The following SEMA3A variants were observed in gnomAD, a reference collection of about 807,000 sequenced individuals.
The protein encoded by SEMA3A is semaphorin-3A.
A neutral mutation model predicts 97.9 loss-of-function variants in SEMA3A; 29 were observed. The ratio of observed to expected loss-of-function variants is 0.30; its 90% confidence interval spans 0.22 to 0.40. The LOEUF (loss-of-function observed/expected upper bound fraction) is 0.40. SEMA3A is among the 10% of genes least tolerant of loss of function. The pLI, the probability that SEMA3A is intolerant of heterozygous loss-of-function variation, is 1.00. For missense variants in SEMA3A, 763 were observed against 951.3 expected (o/e 0.80, Z 2.60); for synonymous variants, 321 against 323.7 (o/e 0.99, Z 0.09).
At chr7:84,405,627 A>T (rs1310176625) in intron 1 of SEMA3A, among the ~76,000 whole-genome samples, 2 of 151,898 alleles carry the variant, frequency 1.3e-5, no homozygotes, top group African/African-American at 2.4e-5. Flanking sequence ...TATTCCAAAA[A>T]TGACCACATA....
chr7:84,269,484 T>C (rs906378275), intron 3 of SEMA3A, among the ~76,000 whole-genome samples: 1 of 152,012 alleles, frequency 6.6e-6, no homozygotes, highest in Non-Finnish European at 1.5e-5. Flanking sequence ...TAGGAGATAA[T>C]GCAGTCAAAC....
At chr7:84,482,854 C>T (rs1394019725) in intron 1 of SEMA3A, among the ~76,000 whole-genome samples, 1 of 141,366 alleles carries the variant, frequency 7.1e-6, no homozygotes, top group Non-Finnish European at 1.5e-5. Flanking sequence ...ATGATAGACT[C>T]AAAATTCTAG....
intron 1 of SEMA3A, among the ~76,000 whole-genome samples, chr7:84,422,424 C>T (rs1161250738): frequency 1.3e-5 from 2 of 151,902 alleles, no homozygotes; most frequent in Admixed American, 6.6e-5. Context: ...CTTTATTGGT[C>T]TGGCTATCCA....
At chr7:84,415,464 C>T (rs946932113) in intron 1 of SEMA3A, among the ~76,000 whole-genome samples, 2 of 151,992 alleles carry the variant, frequency 1.3e-5, no homozygotes, top group East Asian at 3.9e-4. Flanking sequence ...ACTGTCCTAG[C>T]TTTTAAAAAT....
chr7:84,410,668 G>C (rs982565228), intron 1 of SEMA3A, among the ~76,000 whole-genome samples: 2 of 152,064 alleles, frequency 1.3e-5, no homozygotes, highest in African/African-American at 4.8e-5. Context: ...ATTGCTGCGT[G>C]CACCACCACA....
intron 2 of SEMA3A, among the ~76,000 whole-genome samples, chr7:84,368,439 G>A (rs1802901685): frequency 6.6e-6 from 1 of 150,968 alleles, no homozygotes; most frequent in Non-Finnish European, 1.5e-5. Context: ...AATTTTAAAA[G>A]CAAGGTAGTT....
intron 5 of SEMA3A, among the ~76,000 whole-genome samples, chr7:84,052,032 G>A (rs1453266096): frequency 6.6e-6 from 1 of 151,730 alleles, no homozygotes; most frequent in Non-Finnish European, 1.5e-5. Flanking sequence ...TGCGTATATT[G>A]AACCAGCCTT....
At chr7:84,278,479 A>G (rs1369809173) in intron 3 of SEMA3A, among the ~76,000 whole-genome samples, 5 of 151,908 alleles carry the variant, frequency 3.3e-5, no homozygotes, top group Non-Finnish European at 7.4e-5. Context: ...CTTGGTACCA[A>G]TTTTCTGTAT....
intron 4 of SEMA3A, among the ~76,000 whole-genome samples, chr7:84,071,227 T>C (rs1793727623): frequency 6.6e-6 from 1 of 152,074 alleles, no homozygotes; most frequent in Non-Finnish European, 1.5e-5. Flanking sequence ...GTGGCTTCCA[T>C]AATGGATAAA....
At chr7:84,052,345 C>G (rs1792715103) in intron 5 of SEMA3A, among the ~76,000 whole-genome samples, 1 of 152,148 alleles carries the variant, frequency 6.6e-6, no homozygotes, top group Admixed American at 6.5e-5. Flanking sequence ...TAGTCCTGCA[C>G]TCTTTTTGGT....
At chr7:84,385,404 G>A (rs569077268) in intron 1 of SEMA3A, among the ~76,000 whole-genome samples, 2 of 152,254 alleles carry the variant, frequency 1.3e-5, no homozygotes, top group South Asian at 4.1e-4. Context: ...AGTCCAAGGA[G>A]TTTTCCCAGT....
chr7:84,219,326 T>C (rs188957663), intron 3 of SEMA3A, among the ~76,000 whole-genome samples: 78 of 152,312 alleles, frequency 5.1e-4, no homozygotes, highest in Middle Eastern at 3.4e-3. Context: ...CTTAGTATGA[T>C]ATAAGGTGGG....
chr7:84,157,251 G>T (rs1262957590), intron 1 of SEMA3A, among the ~76,000 whole-genome samples: 2 of 152,110 alleles, frequency 1.3e-5, no homozygotes, highest in Non-Finnish European at 2.9e-5. Flanking sequence ...CAATGTGTGT[G>T]TTTACATGCA....
At chr7:84,233,638 T>C (rs1799166464) in intron 3 of SEMA3A, among the ~76,000 whole-genome samples, 1 of 152,056 alleles carries the variant, frequency 6.6e-6, no homozygotes. Flanking sequence ...GAGAAAGATT[T>C]CAACCATGTA....
intron 6 of SEMA3A, among the ~76,000 whole-genome samples, chr7:84,032,186 C>T (rs1041839384): frequency 1.4e-4 from 22 of 152,140 alleles, no homozygotes; most frequent in African/African-American, 5.3e-4. Flanking sequence ...TCCGAGTTGC[C>T]CCTGATTAGT....
chr7:84,455,587 C>A (rs2116375578), intron 1 of SEMA3A, among the ~76,000 whole-genome samples: 1 of 151,958 alleles, frequency 6.6e-6, no homozygotes, highest in East Asian at 1.9e-4. Context: ...AAACTCAGTT[C>A]TTCATTTGAA....
chr7:84,455,152 C>A (rs1010169527), intron 1 of SEMA3A, among the ~76,000 whole-genome samples: 2 of 151,698 alleles, frequency 1.3e-5, no homozygotes, highest in Non-Finnish European at 3.0e-5. Flanking sequence ...AGTTTTTCAA[C>A]AAGAAAATGA....
chr7:84,068,284 G>A (rs545023768), intron 4 of SEMA3A, among the ~76,000 whole-genome samples: 1 of 145,012 alleles, frequency 6.9e-6, no homozygotes, highest in Admixed American at 6.9e-5. Context: ...GGGGTGGGGT[G>A]AGGGGGGAGG....
intron 1 of SEMA3A, among the ~76,000 whole-genome samples, chr7:84,470,660 T>A (rs1410477267): frequency 6.6e-6 from 1 of 152,110 alleles, no homozygotes; most frequent in Non-Finnish European, 1.5e-5. Context: ...TTACGGTATA[T>A]AGCAAGGTTT....
Sources: gnomAD v4.1 joint callset for allele counts (sites outside exome capture counted in the v4.1 genomes callset) on GRCh38, gnomAD v4.1.1 for gene constraint, MANE v1.5 for transcripts, NCBI Gene and HGNC (gene_info 2026-07-23, HGNC 2026-07-21) for gene names.